NELFA: variants seen among roughly 807,000 people sequenced by gnomAD.
The protein encoded by NELFA is negative elongation factor complex member A.
In NELFA, 35 loss-of-function variants were observed where a neutral mutation model predicts 51.8. The ratio of observed to expected loss-of-function variants is 0.68; its 90% confidence interval spans 0.52 to 0.90. The LOEUF is 0.90. Ranked by LOEUF, NELFA falls within the 40% of genes least tolerant of loss-of-function variation. The probability of loss-of-function intolerance (pLI) is 0.00; values close to 1 mark genes in which losing one functional copy is unlikely to be tolerated. For synonymous variants in NELFA, 417 were observed against 338.4 expected (o/e 1.23, Z -2.55); for missense variants, 658 against 746.4 (o/e 0.88, Z 1.38).
At chr4:1,991,806 G>C in intron 1 of NELFA, 91 bp from the exon 2 acceptor site, 1 of 1,355,954 alleles carries the variant, frequency 7.4e-7, no homozygotes, top group Non-Finnish European at 1.0e-6. Flanking sequence ...CTGGGCAGTG[G>C]CCGGGCTCTC....
intron 1 of NELFA, among the ~76,000 whole-genome samples, chr4:1,994,550 G>C (rs182267752): frequency 6.7e-6 from 1 of 150,304 alleles, no homozygotes; most frequent in Non-Finnish European, 1.5e-5. Flanking sequence ...GGGCAACAGA[G>C]CAAGAGTCTG....
At chr4:1,990,590 AG>A in intron 2 of NELFA, 3 of 446,258 alleles carry the variant, frequency 6.7e-6, no homozygotes, top group Admixed American at 2.4e-5. Context: ...TGCCACTTGC[AG>A]GGGGGTGGCC....
At position 1,983,484 on chromosome 4, in the gene NELFA, C is replaced by T; in HGVS notation, c.1422G>A (p.Gln474=). The T allele has an allele frequency of 6.2e-7, 1 of 1,614,096 alleles. No homozygotes were observed. Among genetic ancestry groups the T allele is most frequent in the Non-Finnish European group, 8.5e-7 (1 of 1,180,000 alleles). ...AGSRENPCQE[Q]GDVIQIKLSE... ...TCAGCTTGATCTGGATCACGTCCCC[C>T]TGCTCCTGGCACGGGTTCTCTGCAG... Residue 474 remains glutamine (Q), a synonymous_variant, in exon 11 of 11, where the codon CAG becomes CAA. Coordinates refer to ENST00000382882, the MANE Select transcript of NELFA (RefSeq NM_005663.5).
chr4:1,984,794 G>T lies in NELFA; in HGVS notation c.1036+14C>A. ...GCAGCTTGGCTGGTTCCAGGCTGGG[G>T]CCAGCAGACTCACCTGGGGGCGTCT... is the stretch of plus-strand genomic sequence containing the variant. On this transcript the variant is annotated intron_variant, in intron 8 of 10. Coordinates refer to ENST00000382882, the MANE Select transcript of NELFA (RefSeq NM_005663.5). The T allele has an allele frequency of 6.5e-7, 1 of 1,544,312 alleles. No individual in the cohort carries two copies. The highest frequency in any genetic ancestry group is 8.8e-7 in the Non-Finnish European group (1 of 1,140,390).
intron 7 of NELFA, among the ~76,000 whole-genome samples, chr4:1,985,186 G>A (rs996711318): frequency 2.0e-5 from 3 of 152,214 alleles, no homozygotes; most frequent in African/African-American, 4.8e-5. Flanking sequence ...CACAGAAGGA[G>A]CGATGCTTTT....
intron 1 of NELFA, among the ~76,000 whole-genome samples, chr4:2,001,971 C>T (rs540023273): frequency 4.7e-5 from 7 of 150,468 alleles, no homozygotes; most frequent in Non-Finnish European, 8.8e-5. Context: ...GAGGCCGAGG[C>T]GGACGGATCA....
At chr4:2,004,777 T>A (rs1201196833) in intron 1 of NELFA, among the ~76,000 whole-genome samples, 1 of 149,948 alleles carries the variant, frequency 6.7e-6, no homozygotes, top group Non-Finnish European at 1.5e-5. Context: ...CATGAGCTAC[T>A]GCACCCAGCT....
rs959334076 is a variant in NELFA, at chr4:2,008,618, C to T, written c.210+132G>A. On this transcript the variant is annotated intron_variant, in intron 1 of 10. Transcript: ENST00000382882. ...GCGAGGAGGGGGCGTGAGGGCGGGC[C>T]GGGGGGGTTAACAGTCTGAAGGGGG... The T allele has an allele frequency of 5.9e-5, 57 of 958,304 alleles. 1 individual carries two copies. In the South Asian group the frequency reaches 8.7e-4, roughly 15 times the overall value. 59.4% of individuals were successfully genotyped at this position (958,304 alleles called of 1,614,324 possible).
At chr4:1,995,620 A>C (rs1040907943) in intron 1 of NELFA, among the ~76,000 whole-genome samples, 2 of 152,242 alleles carry the variant, frequency 1.3e-5, no homozygotes, top group South Asian at 4.1e-4. Context: ...GACAAAGTCC[A>C]AGAAACATAC....
chr4:1,987,827 C>T (rs989036787), intron 4 of NELFA, 91 bp downstream of exon 4: 12 of 1,100,794 alleles, frequency 1.1e-5, no homozygotes, highest in Admixed American at 2.8e-5. Context: ...CATTCACAGG[C>T]ACCACCTCCC....
intron 4 of NELFA, 60 bp from the exon 5 acceptor site, chr4:1,986,462 G>A (rs1250831406): frequency 7.8e-6 from 12 of 1,538,288 alleles, no homozygotes; most frequent in East Asian, 2.4e-5. Flanking sequence ...CCCCCACCCC[G>A]AGCTCAGAAC....
intron 3 of NELFA, among the ~76,000 whole-genome samples, chr4:1,988,946 G>GTTT (rs35323893): frequency 0.26 from 34,976 of 136,298 alleles, 4,573 homozygotes; most frequent in Middle Eastern, 0.3. Context: ...AAGTTGGTGG[G>GTTT]TTTTTTTTTT....
intron 4 of NELFA, chr4:1,986,624 C>T (rs1036156916): frequency 2.6e-5 from 15 of 581,276 alleles, no homozygotes; most frequent in South Asian, 4.1e-5. Flanking sequence ...ACAAAGACAG[C>T]GGCACCCCAG....
At chr4:1,986,849 G>C (rs897585972) in intron 4 of NELFA, among the ~76,000 whole-genome samples, 1 of 152,178 alleles carries the variant, frequency 6.6e-6, no homozygotes, top group Non-Finnish European at 1.5e-5. Context: ...CAAGGCGTGC[G>C]TGGCTCTCAT....
intron 1 of NELFA, among the ~76,000 whole-genome samples, chr4:2,006,733 G>A (rs1273357243): frequency 8.0e-6 from 1 of 125,142 alleles, no homozygotes; most frequent in Non-Finnish European, 1.6e-5. Flanking sequence ...TATACCACTA[G>A]ACTCTAGCCT....
chr4:2,004,539 G>C (rs1728659829), intron 1 of NELFA, among the ~76,000 whole-genome samples: 1 of 152,008 alleles, frequency 6.6e-6, no homozygotes, highest in Non-Finnish European at 1.5e-5. Context: ...CCAGGCTAGA[G>C]TGCAGTGATG....
rs1259723662 is a variant in NELFA, at chr4:1,983,978, G to A, written c.1172C>T (p.Pro391Leu). The A allele has an allele frequency of 2.5e-6, 4 of 1,609,946 alleles. No individual in the cohort carries two copies. The East Asian group carries it at 6.7e-5, about 27-fold the overall frequency. The part of the protein sequence containing the change: ...LSPATPTPAA[P>L]TSPLTPTTPP... ...TGTGGTGGGTGTCAGAGGCGAGGTG[G>A]GCGCCGCAGGCGTGGGTGTGGCAGG... The change falls in exon 9 of 11, where the codon CCC (proline) becomes CTC (leucine). Residue 391 changes from proline to leucine, a missense_variant. This residue lies in a region of NELFA where 200 missense variants were observed against 167.9 expected (regional missense o/e 1.19). Transcript: ENST00000382882.
chr4:1,995,087 C>CT (rs1728387431), intron 1 of NELFA, among the ~76,000 whole-genome samples: 1 of 152,218 alleles, frequency 6.6e-6, no homozygotes, highest in African/African-American at 2.4e-5. Context: ...GGCGAGGGCC[C>CT]TCCCTACTGC....
chr4:2,002,092 A>C lies in NELFA; in HGVS notation c.210+6658T>G, dbSNP rs35414499. Among the ~76,000 whole-genome samples, 253 of 150,224 alleles carry C rather than the reference A, an allele frequency of 1.7e-3. 1 individual carries two copies. Among genetic ancestry groups the C allele is most frequent in the East Asian group, 0.015 (73 of 5,032 alleles). ...GCGGGCGCCTGTAGTCCCAGCTACT[A>C]GGGAGGCTGACGCAGGAGAATGGCG... On this transcript the variant is annotated intron_variant, in intron 1 of 10. Transcript: ENST00000382882.
Sources: allele counts gnomAD v4.1 joint callset (sites outside exome capture counted in the v4.1 genomes callset), GRCh38; gene constraint gnomAD v4.1.1; regional missense constraint gnomAD v4.1.1; transcripts MANE v1.5; gene names NCBI Gene and HGNC (gene_info 2026-07-23, HGNC 2026-07-21).